PPP4R1: variants seen among roughly 807,000 people sequenced by gnomAD.
PPP4R1 encodes the protein serine/threonine-protein phosphatase 4 regulatory subunit 1.
PPP4R1 carries 42 observed loss-of-function variants against 111.2 expected under a neutral mutation model. The ratio of observed to expected loss-of-function variants is 0.38; its 90% CI spans 0.29 to 0.49. PPP4R1 has a LOEUF of 0.49. Among genes scored for constraint, PPP4R1 ranks in the 20% least tolerant of loss-of-function variants. The pLI is 0.97. For synonymous variants in PPP4R1, 409 were observed against 405.5 expected (o/e 1.01, Z -0.10); for missense variants, 1,012 against 1,161.6 (o/e 0.87, Z 1.87).
chr18:9,590,953 A>G (rs2067201181), intron 4 of PPP4R1, among the ~76,000 whole-genome samples: 1 of 152,238 alleles, frequency 6.6e-6, no homozygotes, highest in Non-Finnish European at 1.5e-5. Flanking sequence ...GATATCTTTA[A>G]TACACATAAA....
At chr18:9,553,748 C>G (rs1201364059) in intron 15 of PPP4R1, among the ~76,000 whole-genome samples, 2 of 152,230 alleles carry the variant, frequency 1.3e-5, no homozygotes, top group African/African-American at 4.8e-5. Flanking sequence ...GCCATGGCCC[C>G]GCTTAAGGCA....
At chr18:9,559,087 A>G (rs976224346) in intron 14 of PPP4R1, among the ~76,000 whole-genome samples, 1 of 152,252 alleles carries the variant, frequency 6.6e-6, no homozygotes, top group Non-Finnish European at 1.5e-5. Context: ...CATTTATAAT[A>G]CTATTTCTAG....
chr18:9,551,768 G>A (rs1181707336), intron 16 of PPP4R1: 2 of 152,242 alleles, frequency 1.3e-5, no homozygotes, highest in African/African-American at 4.8e-5. Flanking sequence ...AGTCCTGCCC[G>A]AGACCAAGCA....
chr18:9,595,264 CAA>C, intron 2 of PPP4R1, 111 bp from the exon 3 acceptor site: 3 of 1,139,528 alleles, frequency 2.6e-6, no homozygotes, highest in Non-Finnish European at 3.7e-6. Context: ...AAAAAAATCA[CAA>C]GAGACTCTCA....
chr18:9,608,127 TATACCCAAGAGAAAGAAC>T (rs1195957930), intron 2 of PPP4R1, among the ~76,000 whole-genome samples: 12 of 152,300 alleles, frequency 7.9e-5, no homozygotes, highest in African/African-American at 2.9e-4. Flanking sequence ...CTTCTAGATG[TATACCCAAGAGAAAGAAC>T]ATATATATTC....
intron 11 of PPP4R1, among the ~76,000 whole-genome samples, chr18:9,568,599 A>G (rs1375832320): frequency 2.0e-5 from 3 of 152,258 alleles, no homozygotes; most frequent in Admixed American, 6.5e-5. Context: ...AGAAAAACTT[A>G]GAGCAGTTCT....
At chr18:9,558,619 C>T (rs2066624243) in intron 14 of PPP4R1, among the ~76,000 whole-genome samples, 1 of 151,702 alleles carries the variant, frequency 6.6e-6, no homozygotes, top group South Asian at 2.1e-4. Context: ...GTCAACAGCA[C>T]TGATTCCTTG....
chr18:9,578,690 A>G (rs879065052), intron 9 of PPP4R1, among the ~76,000 whole-genome samples: 2 of 152,230 alleles, frequency 1.3e-5, no homozygotes, highest in Non-Finnish European at 2.9e-5. Context: ...AGAAGCATAC[A>G]TAAAAAATGA....
intron 10 of PPP4R1, among the ~76,000 whole-genome samples, chr18:9,575,048 A>G (rs2066916568): frequency 6.6e-6 from 1 of 152,242 alleles, no homozygotes; most frequent in Admixed American, 6.5e-5. Context: ...CTGATGTGTA[A>G]GTCAGATGTT....
Position 9,570,381 on chromosome 18 carries a change from T to C in PPP4R1, c.1349A>G (p.Gln450Arg). 6.2e-7 allele frequency: 1 copy of C among 1,613,620 alleles called. No individual in the cohort carries two copies. Among genetic ancestry groups the C allele is most frequent in the African/African-American group, 1.3e-5 (1 of 74,984 alleles). ...TTSQDSALLD[Q>R]ELYNSFHFWR... Reference sequence around the variant, plus strand: ...GAAATGGAAGGAGTTATACAATTCCTGATCTAAGAGAGCTGAATCTTGTGA... The same window carrying C: ...GAAATGGAAGGAGTTATACAATTCCCGATCTAAGAGAGCTGAATCTTGTGA... Residue 450 changes from glutamine (Q) to arginine (R), a missense_variant, in exon 11 of 20, where the codon CAG (glutamine) becomes CGG (arginine). Gln to Arg is a conservative substitution (Grantham distance 43). Coordinates refer to ENST00000400556, the MANE Select transcript of PPP4R1 (RefSeq NM_001042388.3).
chr18:9,561,840 G>T (rs931230425), intron 13 of PPP4R1, 140 bp downstream of exon 13: 4 of 660,644 alleles, frequency 6.1e-6, no homozygotes, highest in Non-Finnish European at 1.1e-5. Flanking sequence ...CTACTACTTC[G>T]ATTTCCTTAT....
At position 9,570,676 on chromosome 18, in the gene PPP4R1, C is replaced by T; in HGVS notation, c.1054G>A (p.Asp352Asn). 2 of 1,538,706 alleles carry T rather than the reference C, an allele frequency of 1.3e-6. No individual in the cohort carries two copies. Among genetic ancestry groups the T allele is most frequent in the Non-Finnish European group, 1.7e-6 (2 of 1,146,240 alleles). Residue 352 changes from aspartate (D) to asparagine (N), a missense_variant, in exon 11 of 20, where the codon GAT (aspartate) becomes AAT (asparagine). Physicochemically the swap from Asp to Asn is conservative, Grantham distance 23. Transcript: ENST00000400556. ...MSVENKNRTR[D>N]QEAPEDVQVR... ...TGTACATCCTCTGGGGCTTCTTGAT[C>T]TCTGGTCCTTTTATTGTTTTATTTG...
At chr18:9,559,980 T>C (rs1447935905) in intron 13 of PPP4R1, among the ~76,000 whole-genome samples, 2 of 152,108 alleles carry the variant, frequency 1.3e-5, no homozygotes, top group Non-Finnish European at 2.9e-5. Flanking sequence ...CTCTGCGTGA[T>C]TTGCAACATG....
chr18:9,560,207 G>C (rs2066650942), intron 13 of PPP4R1, among the ~76,000 whole-genome samples: 1 of 152,168 alleles, frequency 6.6e-6, no homozygotes, highest in African/African-American at 2.4e-5. Context: ...TTGAGCCCAG[G>C]GAGGTGGAAG....
In PPP4R1 at chr18:9,549,921, T is replaced by C. The variant is rs1018412822; in HGVS notation, c.2547+131A>G. 5.1e-6 allele frequency: 7 copies of C among 1,360,774 alleles called. No homozygotes were observed. In the Admixed American group the frequency reaches 1.4e-4, roughly 28 times the overall value. 84.3% of individuals were successfully genotyped at this position (1,360,774 alleles called of 1,614,324 possible). On this transcript the variant is annotated intron_variant, in intron 18 of 19. Coordinates refer to ENST00000400556, the MANE Select transcript of PPP4R1 (RefSeq NM_001042388.3). ...CCAACAATGGGGGCAGATGATCCTA[T>C]AAACAGCCAGGCTACTATAAGGTTC...
rs553073818 is a variant in PPP4R1, at chr18:9,603,207, T to A, written c.53-8054A>T. Among the ~76,000 whole-genome samples, 198 of 108,672 alleles carry A rather than the reference T, an allele frequency of 1.8e-3. 2 individuals are homozygous for A. Among genetic ancestry groups the A allele is most frequent in the African/African-American group, 9.9e-3 (191 of 19,342 alleles). 71.3% of individuals were successfully genotyped at this position (108,672 alleles called of 152,430 possible). On this transcript the variant is annotated intron_variant, in intron 2 of 19. Coordinates refer to ENST00000400556, the MANE Select transcript of PPP4R1 (RefSeq NM_001042388.3). ...TATAAATAGGACAGCACATACACTA[T>A]CTACCATTCCCATTGACTTATTTAT...
chr18:9,581,371 A>C (rs1459038841), intron 9 of PPP4R1, among the ~76,000 whole-genome samples: 1 of 152,176 alleles, frequency 6.6e-6, no homozygotes, highest in Admixed American at 6.5e-5. Flanking sequence ...TAACATCAAT[A>C]AAGAGAAATT....
At chr18:9,614,588 G>A, upstream of PPP4R1, 4 of 760,418 alleles carry the variant, frequency 5.3e-6, no homozygotes, top group Non-Finnish European at 6.4e-6. This position sits in a 1 kb window ranked among gnomAD's most constrained non-coding sequence, Gnocchi z 4.1. Context: ...CGGCGGGGAG[G>A]AGGAGGGCCG....
At chr18:9,589,449 C>A (rs1011289023) in intron 4 of PPP4R1, among the ~76,000 whole-genome samples, 1 of 152,084 alleles carries the variant, frequency 6.6e-6, no homozygotes, top group South Asian at 2.1e-4. Context: ...GATGAAATGT[C>A]TAAGAAGCAA....
Sources: allele counts gnomAD v4.1 joint callset (sites outside exome capture counted in the v4.1 genomes callset), GRCh38; gene constraint gnomAD v4.1.1; non-coding constraint Gnocchi (gnomAD v3.1); transcripts MANE v1.5; gene names NCBI Gene and HGNC (gene_info 2026-07-23, HGNC 2026-07-21).